SOX6: variants seen among roughly 807,000 people sequenced by gnomAD.
The protein encoded by SOX6 is transcription factor SOX-6.
A neutral mutation model predicts 97.8 loss-of-function variants in SOX6; 11 were observed. The ratio of observed to expected loss-of-function variants is 0.11; its 90% confidence interval spans 0.07 to 0.19. The LOEUF (loss-of-function observed/expected upper bound fraction) is 0.19. Among genes scored for constraint, SOX6 ranks in the 10% least tolerant of loss-of-function variants. The pLI is 1.00. For missense variants in SOX6, 810 were observed against 1,039.5 expected (o/e 0.78, Z 3.04); for synonymous variants, 360 against 371.4 (o/e 0.97, Z 0.35).
At chr11:16,310,027 G>A (rs113160149) in intron 3 of SOX6, among the ~76,000 whole-genome samples, 1 of 152,022 alleles carries the variant, frequency 6.6e-6, no homozygotes, top group African/African-American at 2.4e-5. Context: ...AGAAACAATT[G>A]CCTGCATCTG....
intron 4 of SOX6, among the ~76,000 whole-genome samples, chr11:16,482,338 C>T (rs1281073404): frequency 6.6e-6 from 1 of 152,078 alleles, no homozygotes; most frequent in African/African-American, 2.4e-5. Flanking sequence ...TAACATCATA[C>T]ATTAGTTCAT....
intron 15 of SOX6, among the ~76,000 whole-genome samples, chr11:15,978,399 C>T (rs1757526916): frequency 6.6e-6 from 1 of 151,910 alleles, no homozygotes; most frequent in African/African-American, 2.4e-5. Context: ...CCTCATGTTA[C>T]CCAGATCTAT....
At chr11:16,219,830 T>A (rs1054505422) in intron 4 of SOX6, among the ~76,000 whole-genome samples, 6 of 152,000 alleles carry the variant, frequency 3.9e-5, no homozygotes, top group African/African-American at 1.4e-4. Flanking sequence ...GACTCTAAAC[T>A]AAAGATATAC....
At chr11:16,426,998 TA>T (rs1859154483) in intron 1 of SOX6, among the ~76,000 whole-genome samples, 1 of 145,074 alleles carries the variant, frequency 6.9e-6, no homozygotes, top group African/African-American at 2.5e-5. Flanking sequence ...GACTTAAAGG[TA>T]AAACCCAAAA....
chr11:16,013,223 G>A (rs985392283), intron 13 of SOX6, among the ~76,000 whole-genome samples: 3 of 152,032 alleles, frequency 2.0e-5, no homozygotes, highest in Non-Finnish European at 4.4e-5. Context: ...CTACCAGTCT[G>A]TTGTCAAATA....
At chr11:16,498,346 GC>G (rs1342496223) in intron 4 of SOX6, among the ~76,000 whole-genome samples, 2 of 152,182 alleles carry the variant, frequency 1.3e-5, no homozygotes, top group Non-Finnish European at 2.9e-5. Flanking sequence ...ACCAGCCACT[GC>G]AAAAACATGC....
chr11:16,067,160 A>C (rs941091752), intron 9 of SOX6, among the ~76,000 whole-genome samples: 2 of 152,144 alleles, frequency 1.3e-5, no homozygotes, highest in Admixed American at 1.3e-4. Flanking sequence ...TTGGGCTAAT[A>C]CTGGAATGAG....
intron 6 of SOX6, among the ~76,000 whole-genome samples, chr11:16,156,329 G>C (rs1490032153): frequency 6.6e-6 from 1 of 151,874 alleles, no homozygotes; most frequent in Non-Finnish European, 1.5e-5. Flanking sequence ...TCCATCACAT[G>C]TTCCCATTTC....
chr11:16,628,308 T>C (rs922749268), intron 3 of SOX6, among the ~76,000 whole-genome samples: 3 of 152,174 alleles, frequency 2.0e-5, no homozygotes, highest in African/African-American at 2.4e-5. Context: ...AACTTTAAAA[T>C]AGTCTTTTCT....
intron 4 of SOX6, among the ~76,000 whole-genome samples, 153 bp from the exon 5 acceptor site, chr11:16,187,108 G>A (rs958486156): frequency 1.3e-5 from 2 of 152,048 alleles, no homozygotes; most frequent in African/African-American, 4.8e-5. Flanking sequence ...ACACCAGAGA[G>A]TAATTACAGC....
intron 9 of SOX6, among the ~76,000 whole-genome samples, chr11:16,061,631 T>C (rs1174679693): frequency 1.3e-5 from 2 of 151,858 alleles, no homozygotes; most frequent in East Asian, 3.9e-4. Flanking sequence ...TCATATTACC[T>C]GACTTCAAAT....
chr11:16,187,034 A>G, intron 4 of SOX6, 79 bp from the exon 5 acceptor site: 1 of 1,475,430 alleles, frequency 6.8e-7, no homozygotes, highest in East Asian at 2.3e-5. Flanking sequence ...AGAATTTAGA[A>G]AGGGACTATC....
chr11:16,595,896 T>C (rs1257768087), intron 4 of SOX6, among the ~76,000 whole-genome samples: 1 of 152,212 alleles, frequency 6.6e-6, no homozygotes, highest in African/African-American at 2.4e-5. Context: ...CCACTACTAC[T>C]GTCCATCACT....
intron 3 of SOX6, chr11:16,315,330 AT>A (rs1855727810): frequency 6.6e-6 from 1 of 152,192 alleles, no homozygotes; most frequent in Non-Finnish European, 1.5e-5. Context: ...TATCAAAGGG[AT>A]TCACAGAAAG....
At chr11:16,066,072 AT>A (rs1406482875) in intron 9 of SOX6, among the ~76,000 whole-genome samples, 1 of 152,200 alleles carries the variant, frequency 6.6e-6, no homozygotes, top group African/African-American at 2.4e-5. Context: ...TTTGGAAAAA[AT>A]ATATTAATCC....
intron 3 of SOX6, among the ~76,000 whole-genome samples, chr11:16,286,137 G>A (rs1317876875): frequency 2.6e-5 from 4 of 152,104 alleles, no homozygotes; most frequent in Non-Finnish European, 5.9e-5. Context: ...TCTTGCCTCT[G>A]GAGAGGATTT....
intron 1 of SOX6, among the ~76,000 whole-genome samples, chr11:16,460,416 T>C (rs1283580002): frequency 6.6e-6 from 1 of 152,080 alleles, no homozygotes; most frequent in Non-Finnish European, 1.5e-5. Context: ...TCTGAGTTCA[T>C]ATTCTTATAG....
chr11:16,525,786 G>GA (rs1231349915), intron 4 of SOX6, among the ~76,000 whole-genome samples: 1 of 151,622 alleles, frequency 6.6e-6, no homozygotes, highest in Non-Finnish European at 1.5e-5. Context: ...AAATTTACAA[G>GA]AAAAAAACAA....
At chr11:16,387,755 T>A (rs570903578) in intron 1 of SOX6, among the ~76,000 whole-genome samples, 10 of 152,232 alleles carry the variant, frequency 6.6e-5, no homozygotes, top group African/African-American at 1.9e-4. Flanking sequence ...TTTTACTAAT[T>A]TTAATTTTAA....
Sources: gnomAD v4.1 joint callset for allele counts (sites outside exome capture counted in the v4.1 genomes callset) on GRCh38, gnomAD v4.1.1 for gene constraint, MANE v1.5 for transcripts, NCBI Gene and HGNC (gene_info 2026-07-23, HGNC 2026-07-21) for gene names.